KCTD15: variants seen among roughly 807,000 people sequenced by gnomAD.
The protein encoded by KCTD15 is potassium channel tetramerization domain containing 15, also known as BTB/POZ domain-containing protein KCTD15.
Under a neutral mutation model 27.2 loss-of-function variants are expected in KCTD15, and 11 were observed. The observed-to-expected ratio is 0.41, with a 90% CI of 0.25 to 0.67. KCTD15 has a LOEUF of 0.67. Ranked by LOEUF, KCTD15 falls within the 30% of genes least tolerant of loss-of-function variation. The pLI is 0.35. For missense variants in KCTD15, 350 were observed against 409.3 expected, an observed-to-expected ratio of 0.86 and a Z score of 1.25; for synonymous variants, 163 against 176.0, an observed-to-expected ratio of 0.93 and a Z score of 0.58.
chr19:33,811,697 T>C (rs1356643087), intron 6 of KCTD15, 145 bp downstream of exon 6: 1 of 1,526,644 alleles, frequency 6.6e-7, no homozygotes, highest in African/African-American at 1.4e-5. Flanking sequence ...AATGTGTCGA[T>C]GCATAATTTA....
rs1254924732 is a variant in KCTD15 at position 33,812,875 on chromosome 19, T to C, written c.779T>C (p.Val260Ala). Residue 260 changes from valine to alanine, a missense_variant, in exon 7 of 7, where the codon GTG (valine) becomes GCG (alanine). This residue lies in a region of KCTD15 where 219 missense variants were observed against 234.9 expected (regional missense o/e 0.93). Transcript: ENST00000683859. ...GACTCCTCCCAGTTCAGCGAGTATG[T>C]GCTTTGCCGGGAGGAGCGGCGGCCG... Reference protein sequence around the residue: ...GVDSSQFSEYVLCREERRPQP... With the variant: ...GVDSSQFSEYALCREERRPQP... The C allele has an allele frequency of 6.5e-7, 1 of 1,550,064 alleles. No individual in the cohort carries two copies.
chr19:33,808,928 A>G (rs1975794794), intron 5 of KCTD15, among the ~76,000 whole-genome samples: 1 of 152,186 alleles, frequency 6.6e-6, no homozygotes, highest in South Asian at 2.1e-4. Flanking sequence ...TGAGGCCTGG[A>G]GTTCAAGACC....
At chr19:33,801,098 G>A in intron 3 of KCTD15, 69 bp from the exon 4 acceptor site, 4 of 1,423,530 alleles carry the variant, frequency 2.8e-6, no homozygotes, top group Non-Finnish European at 3.8e-6. Flanking sequence ...GGAGTGCATG[G>A]CTGTGTTGTG....
rs577382487 is a variant in KCTD15 at position 33,813,406 on chromosome 19, G to A, written c.*458G>A. On this transcript the variant is annotated 3_prime_UTR_variant, in exon 7 of 7. Coordinates refer to ENST00000683859, the MANE Select transcript of KCTD15 (RefSeq NM_001129994.2). ...CAGCCCTAACTGCAAAAGTCAGAGAGGCTGACAAGGACCAATGCTTCTTTA... is the reference window on the plus strand; with the variant it reads ...CAGCCCTAACTGCAAAAGTCAGAGAAGCTGACAAGGACCAATGCTTCTTTA... The A allele has an allele frequency of 6.5e-6, 3 of 459,728 alleles. No homozygotes were observed. Among genetic ancestry groups the A allele is most frequent in the South Asian group, 3.1e-5 (2 of 64,592 alleles). 28.5% of individuals were successfully genotyped at this position (459,728 alleles called of 1,614,324 possible).
At chr19:33,812,139 A>ACG in intron 6 of KCTD15, 2 of 1,241,988 alleles carry the variant, frequency 1.6e-6, no homozygotes, top group Non-Finnish European at 2.0e-6. Flanking sequence ...CCCCCTGTGC[A>ACG]CGCATTCCAC....
chr19:33,808,291 T>C (rs1214680968), intron 5 of KCTD15, among the ~76,000 whole-genome samples: 1 of 152,246 alleles, frequency 6.6e-6, no homozygotes, highest in Admixed American at 6.5e-5. Context: ...GAATTCAGGC[T>C]GAAAACAGTG....
intron 4 of KCTD15, among the ~76,000 whole-genome samples, chr19:33,803,272 T>G (rs559397330): frequency 6.6e-6 from 1 of 152,302 alleles, no homozygotes; most frequent in East Asian, 1.9e-4. Context: ...GCCTGAGAAG[T>G]GGGTCAGGCA....
rs573944157 is a variant in KCTD15 at position 33,813,014 on chromosome 19, G to C, written c.*66G>C. ...GAAACAGTGCTGGGGAGTTCTGCCT[G>C]TGTATACTTGGCCGTGGGCATGAGA... On this transcript the variant is annotated 3_prime_UTR_variant, in exon 7 of 7. Transcript: ENST00000683859. 1.7e-3 allele frequency: 2,547 copies of C among 1,466,122 alleles called. 4 individuals carry two copies. The highest frequency in any genetic ancestry group is 2.0e-3 in the Non-Finnish European group (2,206 of 1,085,364). 90.8% of individuals were successfully genotyped at this position (1,466,122 alleles called of 1,614,324 possible).
At chr19:33,798,288 G>T (rs1187684201) in intron 1 of KCTD15, 2 of 152,144 alleles carry the variant, frequency 1.3e-5, no homozygotes, top group Non-Finnish European at 2.9e-5. Flanking sequence ...GACTTCAGAA[G>T]AAGCGATTTA....
intron 1 of KCTD15, among the ~76,000 whole-genome samples, chr19:33,797,756 C>G (rs997429926): frequency 6.6e-6 from 1 of 152,202 alleles, no homozygotes; most frequent in African/African-American, 2.4e-5. Context: ...GTTTTCGCTC[C>G]GTATCTCAAA....
intron 4 of KCTD15, among the ~76,000 whole-genome samples, chr19:33,803,486 T>G (rs1975624067): frequency 6.6e-6 from 1 of 151,916 alleles, no homozygotes; most frequent in South Asian, 2.1e-4. Context: ...TAGGCAGCAT[T>G]GTAAAAGCTG....
Position 33,814,346 on chromosome 19 carries a change from A to C in KCTD15, c.*1398A>C, listed in dbSNP as rs1023554509. 6.6e-6 allele frequency: 1 copy of C among 152,270 alleles called. No individual in the cohort carries two copies. Among genetic ancestry groups the C allele is most frequent in the African/African-American group, 2.4e-5 (1 of 41,428 alleles). 9.4% of individuals were successfully genotyped at this position (152,270 alleles called of 1,614,324 possible). A position where few individuals can be genotyped will look rare whatever the true frequency, so the allele number is the denominator to read the frequency against. On this transcript the variant is annotated 3_prime_UTR_variant, in exon 7 of 7. Transcript: ENST00000683859. Reference sequence around the variant, plus strand: ...AACGGATTCCTCCCTTGGATCCTTCAGTTCCCATCGAGGAATAACCCGCAG... The same window carrying C: ...AACGGATTCCTCCCTTGGATCCTTCCGTTCCCATCGAGGAATAACCCGCAG...
At position 33,806,409 on chromosome 19, in the gene KCTD15, T is replaced by C. The variant is rs537560521; in HGVS notation, c.243-454T>C. Reference sequence around the variant, plus strand: ...TTACATGGGTTGGGTGGGGAGGATGTATGTCCTGGCTCGTTTACTGGGTGT... The same window carrying C: ...TTACATGGGTTGGGTGGGGAGGATGCATGTCCTGGCTCGTTTACTGGGTGT... On this transcript the variant is annotated intron_variant, in intron 4 of 6. Coordinates refer to ENST00000683859, the MANE Select transcript of KCTD15 (RefSeq NM_001129994.2). Among the ~76,000 whole-genome samples the C allele has an allele frequency of 6.9e-4, 105 of 152,294 alleles. 3 individuals carry two copies. In the Middle Eastern group the frequency reaches 0.01, roughly 15 times the overall value.
intron 5 of KCTD15, among the ~76,000 whole-genome samples, chr19:33,808,122 G>A (rs1599683494): frequency 6.6e-6 from 1 of 152,282 alleles, no homozygotes; most frequent in East Asian, 1.9e-4. Flanking sequence ...CACATGTCAG[G>A]GACTCTGGGA....
rs1174935081 is a variant in KCTD15 at position 33,815,078 on chromosome 19, G to A, written c.*2130G>A. 6.6e-6 allele frequency: 1 copy of A among 152,206 alleles called. No individual in the cohort carries two copies. Among genetic ancestry groups the A allele is most frequent in the Non-Finnish European group, 1.5e-5 (1 of 68,042 alleles). 9.4% of individuals were successfully genotyped at this position (152,206 alleles called of 1,614,324 possible). A position where few individuals can be genotyped will look rare whatever the true frequency, so the allele number is the denominator to read the frequency against. ...AGTCTTGTGAAAACAGCTCGCTGCT[G>A]TGTATGTTTATGGATTTTTCTGATA... On this transcript the variant is annotated 3_prime_UTR_variant, in exon 7 of 7. Transcript: ENST00000683859.
rs765194695 is a variant in KCTD15, at chr19:33,811,842, G to C, written c.693+290G>C. 8 of 1,604,312 alleles carry C rather than the reference G, an allele frequency of 5.0e-6. No homozygotes were observed. In the East Asian group the frequency reaches 1.6e-4, roughly 31 times the overall value. The stretch of plus-strand genomic sequence containing the variant: ...ATTTTCAACAAAGCGTGCTTCATTT[G>C]ACACCCAGAGTCTGACTTTGGATTC... On this transcript the variant is annotated intron_variant, in intron 6 of 6. Coordinates refer to ENST00000683859, the MANE Select transcript of KCTD15 (RefSeq NM_001129994.2).
chr19:33,796,259 T>TGGCC (rs1230920606), upstream of KCTD15, among the ~76,000 whole-genome samples: 3 of 149,586 alleles, frequency 2.0e-5, no homozygotes, highest in Non-Finnish European at 3.0e-5. Flanking sequence ...GGGCGCCGCG[T>TGGCC]GGCCGGCCGG....
chr19:33,813,604 A>G lies in KCTD15; in HGVS notation c.*656A>G. On this transcript the variant is annotated 3_prime_UTR_variant, in exon 7 of 7. Transcript: ENST00000683859. The stretch of plus-strand genomic sequence containing the variant: ...GGGCCTGAGGGCTGAGTGATTCTGT[A>G]ACCACCTGAGACCTTCACGTTTGCT... 2 of 334,414 alleles carry G rather than the reference A, an allele frequency of 6.0e-6. No individual in the cohort carries two copies. Among genetic ancestry groups the G allele is most frequent in the South Asian group, 4.5e-5 (2 of 44,670 alleles). The allele number at this position is 334,414 out of a possible 1,614,324, so 20.7% of individuals were successfully genotyped here.
At chr19:33,803,481 A>G (rs1279230155) in intron 4 of KCTD15, among the ~76,000 whole-genome samples, 1 of 152,132 alleles carries the variant, frequency 6.6e-6, no homozygotes, top group East Asian at 1.9e-4. Flanking sequence ...TGCCCTAGGC[A>G]GCATTGTAAA....
Sources: allele counts gnomAD v4.1 joint callset (sites outside exome capture counted in the v4.1 genomes callset), GRCh38; gene constraint gnomAD v4.1.1; regional missense constraint gnomAD v4.1.1; transcripts MANE v1.5; gene names NCBI Gene and HGNC (gene_info 2026-07-23, HGNC 2026-07-21).